LRCH3: variants seen among roughly 807,000 people sequenced by gnomAD.
LRCH3 encodes leucine rich repeats and calponin homology domain containing 3, also known as DISP complex protein LRCH3.
In LRCH3, 68 loss-of-function variants were observed where a neutral mutation model predicts 104.5. The observed-to-expected ratio is 0.65, with a 90% CI of 0.54 to 0.80. LRCH3 has a LOEUF of 0.80. Among genes scored for constraint, LRCH3 ranks in the 30% least tolerant of loss-of-function variants. LRCH3 has a pLI of 0.00. For missense variants in LRCH3, 951 were observed against 953.9 expected (o/e 1.00, Z 0.04); for synonymous variants, 344 against 361.3 (o/e 0.95, Z 0.54).
intron 4 of LRCH3, among the ~76,000 whole-genome samples, 160 bp downstream of exon 4, chr3:197,820,590 T>C (rs1348549833): frequency 6.6e-6 from 1 of 152,178 alleles, no homozygotes; most frequent in Non-Finnish European, 1.5e-5. Flanking sequence ...GAGGGAGGAT[T>C]GCTTGAACCC....
In LRCH3 at chr3:197,838,392, T is replaced by G. The variant is rs148394608; in HGVS notation, c.1252-929T>G. On this transcript the variant is annotated intron_variant, in intron 9 of 20. Transcript: ENST00000425562. ...ACAGTCAGTTGTTAGCCCTTTGAAG[T>G]AACTCACCAAAAGTTTCTAATGATG... is the stretch of plus-strand genomic sequence containing the variant. Among the ~76,000 whole-genome samples, 188 of 152,374 alleles carry G rather than the reference T, an allele frequency of 1.2e-3. 1 individual carries two copies. The highest frequency in any genetic ancestry group is 0.01 in the Middle Eastern group (3 of 294).
intron 1 of LRCH3, among the ~76,000 whole-genome samples, chr3:197,807,964 A>G (rs762081289): frequency 2.0e-5 from 3 of 152,176 alleles, no homozygotes; most frequent in African/African-American, 4.8e-5. Context: ...TTTGCTTCCA[A>G]TATAATTTGG....
At chr3:197,818,754 A>T (rs561758862) in intron 3 of LRCH3, among the ~76,000 whole-genome samples, 2 of 152,240 alleles carry the variant, frequency 1.3e-5, no homozygotes, top group Non-Finnish European at 2.9e-5. Context: ...GAGATGTGTT[A>T]TAGAAGCTGC....
rs1173083702 is a variant in LRCH3 at position 197,888,199 on chromosome 3, TAC to T, written c.*4537_*4538del. 1 of 152,250 alleles carries T rather than the reference TAC, an allele frequency of 6.6e-6. No homozygotes were observed. Among genetic ancestry groups the T allele is most frequent in the Non-Finnish European group, 1.5e-5 (1 of 68,044 alleles). The allele number at this position is 152,250 out of a possible 1,614,324, so 9.4% of individuals were successfully genotyped here. On this transcript the variant is annotated 3_prime_UTR_variant, in exon 21 of 21. Coordinates refer to ENST00000425562, the MANE Select transcript of LRCH3 (RefSeq NM_001365715.1). ...ATGGATATTTAGAAGCCTTTCTATA[TAC>T]ACAGTGCAGTTGAGATGGTTTACAG...
At chr3:197,881,527 T>C (rs749699820) in intron 20 of LRCH3, 10 of 985,424 alleles carry the variant, frequency 1.0e-5, no homozygotes, top group Non-Finnish European at 1.2e-5. Context: ...TTTATGTGAT[T>C]TCTAACATAT....
chr3:197,843,362 C>T (rs1046545285), intron 10 of LRCH3, among the ~76,000 whole-genome samples: 9 of 152,012 alleles, frequency 5.9e-5, no homozygotes, highest in African/African-American at 2.2e-4. Context: ...TGTAATACAC[C>T]TGTATTACCT....
intron 9 of LRCH3, among the ~76,000 whole-genome samples, chr3:197,836,986 C>T (rs1736899145): frequency 6.6e-6 from 1 of 152,098 alleles, no homozygotes; most frequent in Non-Finnish European, 1.5e-5. Context: ...CCAGTATTAT[C>T]ATTCTTTTTT....
At position 197,817,214 on chromosome 3, in the gene LRCH3, A is replaced by G; in HGVS notation, c.446A>G (p.Asn149Ser). 1 of 1,608,770 alleles carries G rather than the reference A, an allele frequency of 6.2e-7. No individual in the cohort carries two copies. Among genetic ancestry groups the G allele is most frequent in the Non-Finnish European group, 8.5e-7 (1 of 1,177,866 alleles). ...TCAACATTGCCGGTACACTTGTGTA[A>G]TTTGCCATTGAAAGTCTTAATTGCT... Reference protein sequence around the residue: ...QLSTLPVHLCNLPLKVLIASN... With the variant: ...QLSTLPVHLCSLPLKVLIASN... The change falls in exon 3 of 21, where the codon AAT becomes AGT. Residue 149 changes from asparagine to serine, a missense_variant. Coordinates refer to ENST00000425562, the MANE Select transcript of LRCH3 (RefSeq NM_001365715.1).
Position 197,887,340 on chromosome 3 carries a change from G to A in LRCH3, c.*3674G>A. On this transcript the variant is annotated 3_prime_UTR_variant, in exon 21 of 21. Coordinates refer to ENST00000425562, the MANE Select transcript of LRCH3 (RefSeq NM_001365715.1). ...GCCCTTCCCATCACTGACAGTGTTG[G>A]GGGTTGAGAGCCCCCCAGCAGAGCC... The A allele has an allele frequency of 6.5e-6, 1 of 154,624 alleles. No individual in the cohort carries two copies. Among genetic ancestry groups the A allele is most frequent in the Non-Finnish European group, 1.4e-5 (1 of 69,182 alleles). The allele number at this position is 154,624 out of a possible 1,614,324, so 9.6% of individuals were successfully genotyped here.
rs1168146718 is a variant in LRCH3, at chr3:197,866,051, G to T, written c.1766-61G>T. On this transcript the variant is annotated intron_variant, in intron 16 of 20. Coordinates refer to ENST00000425562, the MANE Select transcript of LRCH3 (RefSeq NM_001365715.1). ...TTTTTACTTGTTACTTTTGTAACTT[G>T]TATGTCTGCTATTATATTTTCATCT... 55 of 1,171,298 alleles carry T rather than the reference G, an allele frequency of 4.7e-5. No homozygotes were observed. In the East Asian group the frequency reaches 1.3e-3, roughly 27 times the overall value. 72.6% of individuals were successfully genotyped at this position (1,171,298 alleles called of 1,614,324 possible). A position where few individuals can be genotyped will look rare whatever the true frequency, so the allele number is the denominator to read the frequency against.
intron 8 of LRCH3, 83 bp downstream of exon 8, chr3:197,832,400 T>A: frequency 6.9e-7 from 1 of 1,441,070 alleles, no homozygotes; most frequent in Admixed American, 1.9e-5. Flanking sequence ...ACTCCTTTTG[T>A]TGGTGTATCT....
chr3:197,880,115 T>G (rs942204801), intron 20 of LRCH3, among the ~76,000 whole-genome samples: 2 of 150,876 alleles, frequency 1.3e-5, no homozygotes, highest in Non-Finnish European at 1.5e-5. Flanking sequence ...CCGGCTAATT[T>G]TTTGTATTTT....
chr3:197,875,247 G>A (rs1712744678), intron 19 of LRCH3, among the ~76,000 whole-genome samples: 1 of 152,068 alleles, frequency 6.6e-6, no homozygotes, highest in Non-Finnish European at 1.5e-5. Context: ...AGTTCTTATG[G>A]CCCTCAGAAC....
At chr3:197,795,683 G>GTTTTTTTTTTT (rs1378193831) in intron 1 of LRCH3, among the ~76,000 whole-genome samples, 1 of 92,280 alleles carries the variant, frequency 1.1e-5, no homozygotes, top group African/African-American at 4.5e-5. Context: ...TAAAAAAGTT[G>GTTTTTTTTTTT]TTGTTTTTTT....
At chr3:197,792,143 A>G (rs1390902774) in intron 1 of LRCH3, among the ~76,000 whole-genome samples, 1 of 150,946 alleles carries the variant, frequency 6.6e-6, no homozygotes, top group Admixed American at 6.6e-5. Context: ...TGTGAAGTGA[A>G]CCCGAACGCT....
intron 7 of LRCH3, among the ~76,000 whole-genome samples, chr3:197,831,616 CTATA>C (rs960675334): frequency 6.6e-6 from 1 of 151,206 alleles, no homozygotes; most frequent in African/African-American, 2.4e-5. Context: ...TATTTTAAAT[CTATA>C]TATATATAAT....
At chr3:197,816,242 G>T (rs1733782070) in intron 2 of LRCH3, among the ~76,000 whole-genome samples, 1 of 152,014 alleles carries the variant, frequency 6.6e-6, no homozygotes, top group Non-Finnish European at 1.5e-5. Context: ...CATACGTAAA[G>T]ATCTTATTTA....
At chr3:197,847,547 C>G in intron 11 of LRCH3, 87 bp downstream of exon 11, 2 of 1,166,558 alleles carry the variant, frequency 1.7e-6, no homozygotes, top group Non-Finnish European at 2.5e-6. Context: ...CATTAATTGC[C>G]AGGTATATTT....
intron 15 of LRCH3, among the ~76,000 whole-genome samples, chr3:197,862,683 A>G (rs73892154): frequency 0.18 from 27,725 of 152,198 alleles, 3,679 homozygotes; most frequent in African/African-American, 0.38. Flanking sequence ...TTCCTTGTAA[A>G]GATATCTGGC....
Sources: allele counts gnomAD v4.1 joint callset (sites outside exome capture counted in the v4.1 genomes callset), GRCh38; gene constraint gnomAD v4.1.1; transcripts MANE v1.5; gene names NCBI Gene and HGNC (gene_info 2026-07-23, HGNC 2026-07-21).